SPAG16: variants seen among roughly 807,000 people sequenced by gnomAD.
SPAG16 encodes sperm associated antigen 16, also known as sperm-associated antigen 16 protein.
A neutral mutation model predicts 80.4 loss-of-function variants in SPAG16; 86 were observed. That is an observed-to-expected ratio of 1.07 (90% confidence interval 0.90 to 1.28). The LOEUF (loss-of-function observed/expected upper bound fraction) is 1.28, where lower values mean the gene tolerates loss of function less well. Ranked by LOEUF, SPAG16 falls within the 50% of genes most tolerant of loss-of-function variation. The probability of loss-of-function intolerance (pLI) is 0.00; values close to 1 mark genes in which losing one functional copy is unlikely to be tolerated. For missense variants in SPAG16, 870 were observed against 765.3 expected (o/e 1.14, Z -1.61); for synonymous variants, 294 against 265.9 (o/e 1.11, Z -1.03).
chr2:214,392,016 T>A (rs1213328371), intron 15 of SPAG16, among the ~76,000 whole-genome samples: 1 of 152,204 alleles, frequency 6.6e-6, no homozygotes, highest in Non-Finnish European at 1.5e-5. Context: ...TTTCCCCTTA[T>A]CCAGTTCCTG....
intron 15 of SPAG16, among the ~76,000 whole-genome samples, chr2:214,273,151 C>G (rs1375510916): frequency 6.6e-6 from 1 of 151,992 alleles, no homozygotes; most frequent in Non-Finnish European, 1.5e-5. Flanking sequence ...ATGTTTTTTT[C>G]TTGTAAATTT....
intron 15 of SPAG16, among the ~76,000 whole-genome samples, chr2:214,280,481 A>G (rs750024428): frequency 1.3e-5 from 2 of 152,264 alleles, no homozygotes; most frequent in Non-Finnish European, 2.9e-5. Flanking sequence ...TTATGATGCT[A>G]CAATAATCAA....
chr2:213,864,495 G>C (rs934795761), intron 11 of SPAG16, among the ~76,000 whole-genome samples: 2 of 151,938 alleles, frequency 1.3e-5, no homozygotes, highest in Admixed American at 6.6e-5. Context: ...CCAGCTCTGG[G>C]CTCTGGTTGA....
intron 15 of SPAG16, among the ~76,000 whole-genome samples, chr2:214,160,156 A>G (rs992118889): frequency 6.6e-6 from 1 of 151,676 alleles, no homozygotes; most frequent in Non-Finnish European, 1.5e-5. Flanking sequence ...TGTAAAGAAT[A>G]GCATGTATTT....
At position 213,375,120 on chromosome 2, in the gene SPAG16, G is replaced by A; in HGVS notation, c.942+1G>A. The A allele has an allele frequency of 6.3e-7, 1 of 1,588,112 alleles. No individual in the cohort carries two copies. The highest frequency in any genetic ancestry group is 8.6e-7 in the Non-Finnish European group (1 of 1,167,088). ...AACAAAGATGAAAGGCAATACAAAG[G>A]TATGATATTTGTTTTTGTTTGCATT... On this transcript the variant is annotated splice_donor_variant, in intron 9 of 15. Transcript: ENST00000331683. LOFTEE classifies it high-confidence loss of function.
chr2:213,944,307 A>C (rs1355973649), intron 12 of SPAG16, among the ~76,000 whole-genome samples: 1 of 152,246 alleles, frequency 6.6e-6, no homozygotes, highest in Non-Finnish European at 1.5e-5. Flanking sequence ...GAGGCAGAGC[A>C]TCATCAAGTC....
At chr2:213,772,073 T>C (rs1318074143) in intron 10 of SPAG16, among the ~76,000 whole-genome samples, 1 of 152,216 alleles carries the variant, frequency 6.6e-6, no homozygotes, top group Non-Finnish European at 1.5e-5. Context: ...TGATTCTTCC[T>C]GTCTGAGCAT....
intron 15 of SPAG16, among the ~76,000 whole-genome samples, chr2:214,217,790 G>A (rs2058468813): frequency 6.6e-6 from 1 of 152,228 alleles, no homozygotes; most frequent in Non-Finnish European, 1.5e-5. Context: ...TAATGCCTGG[G>A]CATGCCTGAT....
intron 7 of SPAG16, among the ~76,000 whole-genome samples, chr2:213,351,206 A>G (rs1271337968): frequency 6.6e-6 from 1 of 152,150 alleles, no homozygotes; most frequent in Non-Finnish European, 1.5e-5. Context: ...TTATTAAATT[A>G]TAGTTAGAAG....
chr2:214,228,272 A>C (rs568822791), intron 15 of SPAG16, among the ~76,000 whole-genome samples: 1 of 152,072 alleles, frequency 6.6e-6, no homozygotes, highest in South Asian at 2.1e-4. Context: ...TTAAATCATA[A>C]TTCAATATGC....
rs373427085 is a variant in SPAG16, at chr2:213,800,639, G to A, written c.1071-61846G>A. ...TGTGTTGACTTTATCCCACAGTAGT[G>A]TATTCTTTAAAAATATCTCTTGACT... is the stretch of plus-strand genomic sequence containing the variant. On this transcript the variant is annotated intron_variant, in intron 10 of 15. Coordinates refer to ENST00000331683, the MANE Select transcript of SPAG16 (RefSeq NM_024532.5). 3.3e-5 allele frequency among the ~76,000 whole-genome samples: 5 copies of A among 152,052 alleles called. No homozygotes were observed. The East Asian group carries it at 7.7e-4, about 23-fold the overall frequency.
At chr2:214,247,509 A>G (rs944602123) in intron 15 of SPAG16, among the ~76,000 whole-genome samples, 3 of 152,314 alleles carry the variant, frequency 2.0e-5, no homozygotes, top group African/African-American at 7.2e-5. Flanking sequence ...AAAAGCCTAC[A>G]AGAAACAGTG....
chr2:214,283,196 ATTTG>A (rs959175425), intron 15 of SPAG16, among the ~76,000 whole-genome samples: 4 of 152,220 alleles, frequency 2.6e-5, no homozygotes, highest in African/African-American at 7.2e-5. Flanking sequence ...TGCCTGAGTA[ATTTG>A]TTTATCTTGC....
chr2:213,808,848 A>G (rs903493912), intron 10 of SPAG16, among the ~76,000 whole-genome samples: 1 of 152,196 alleles, frequency 6.6e-6, no homozygotes, highest in South Asian at 2.1e-4. Flanking sequence ...GGTGTCTACA[A>G]TTAAATTTAA....
intron 10 of SPAG16, among the ~76,000 whole-genome samples, chr2:213,833,000 A>G (rs1262310728): frequency 6.6e-6 from 1 of 152,068 alleles, no homozygotes. Context: ...TGTTTCATAT[A>G]ATACTTTTTG....
intron 15 of SPAG16, among the ~76,000 whole-genome samples, chr2:214,366,798 A>C (rs546991255): frequency 1.3e-5 from 2 of 152,140 alleles, no homozygotes; most frequent in Non-Finnish European, 2.9e-5. Context: ...AGCTCCTGCC[A>C]TCTGCTTTAA....
At chr2:213,554,438 A>G (rs949812136) in intron 10 of SPAG16, among the ~76,000 whole-genome samples, 2 of 152,224 alleles carry the variant, frequency 1.3e-5, no homozygotes, top group Admixed American at 6.5e-5. Context: ...GCAGACATCA[A>G]TGTAAAAGCA....
chr2:213,939,929 C>G (rs1038816670), intron 12 of SPAG16, among the ~76,000 whole-genome samples: 1 of 151,980 alleles, frequency 6.6e-6, no homozygotes, highest in Admixed American at 6.6e-5. Flanking sequence ...TCAGAGGGAT[C>G]CAAAAATAGT....
chr2:213,691,027 C>T (rs1051339239), intron 10 of SPAG16, among the ~76,000 whole-genome samples: 1 of 152,102 alleles, frequency 6.6e-6, no homozygotes, highest in Non-Finnish European at 1.5e-5. Context: ...CTGACTAATA[C>T]AGTGACGGAG....
Sources: gnomAD v4.1 joint callset for allele counts (sites outside exome capture counted in the v4.1 genomes callset) on GRCh38, gnomAD v4.1.1 for gene constraint, MANE v1.5 for transcripts, NCBI Gene and HGNC (gene_info 2026-07-23, HGNC 2026-07-21) for gene names.